Variants in EPAS1 observed in about 807,000 individuals in gnomAD.
The protein encoded by EPAS1 is endothelial PAS domain protein 1, also known as endothelial PAS domain-containing protein 1.
Under a neutral mutation model 87.9 loss-of-function variants are expected in EPAS1, and 23 were observed. The ratio of observed to expected loss-of-function variants is 0.26; its 90% CI spans 0.19 to 0.37. The LOEUF is 0.37. Among genes scored for constraint, EPAS1 ranks in the 10% least tolerant of loss-of-function variants. The pLI is 1.00. For missense variants in EPAS1, 1,138 were observed against 1,120.7 expected, an observed-to-expected ratio of 1.02 and a Z score of -0.22; for synonymous variants, 508 against 444.3, an observed-to-expected ratio of 1.14 and a Z score of -1.80.
At chr2:46,323,880 G>C (rs1683503033) in intron 1 of EPAS1, among the ~76,000 whole-genome samples, 1 of 152,286 alleles carries the variant, frequency 6.6e-6, no homozygotes, top group Admixed American at 6.5e-5. Flanking sequence ...ACTGTATTGG[G>C]TGTGATTCTC....
chr2:46,309,019 C>G (rs950463785), intron 1 of EPAS1, among the ~76,000 whole-genome samples: 6 of 152,224 alleles, frequency 3.9e-5, no homozygotes, highest in Non-Finnish European at 7.3e-5. Flanking sequence ...AGAGCAAAGA[C>G]CCAGTCATTT....
chr2:46,370,033 A>G, intron 7 of EPAS1, 100 bp downstream of exon 7: 1 of 885,534 alleles, frequency 1.1e-6, no homozygotes. Flanking sequence ...CACTTCCTCC[A>G]CAGAGCTGCT....
intron 6 of EPAS1, 101 bp downstream of exon 6, chr2:46,361,191 T>A: frequency 7.5e-7 from 1 of 1,326,056 alleles, no homozygotes; most frequent in Non-Finnish European, 1.1e-6. Flanking sequence ...AACATAGACG[T>A]GGTATTGCCG....
Position 46,356,210 on chromosome 2 carries a change from A to C in EPAS1, c.277A>C (p.Lys93Gln). The change falls in exon 3 of 16, where the codon AAA (lysine) becomes CAA (glutamine). Residue 93 changes from lysine (K) to glutamine (Q), a missense_variant. Lys to Gln is a moderately conservative substitution (Grantham distance 53, BLOSUM62 1). This residue lies in a region of EPAS1 where 351 missense variants were observed against 417.1 expected (regional missense o/e 0.84). Transcript: ENST00000263734. ...ADQQMDNLYL[K>Q]ALEGFIAVVT... ...CCAGCAGATGGACAACTTGTACCTG[A>C]AAGCCTTGGAGGGTTTCATTGCCGT... 1 of 1,608,818 alleles carries C rather than the reference A, an allele frequency of 6.2e-7. No homozygotes were observed. The highest frequency in any genetic ancestry group is 8.5e-7 in the Non-Finnish European group (1 of 1,177,908).
chr2:46,377,329 A>G (rs1035748415), intron 9 of EPAS1, among the ~76,000 whole-genome samples: 3 of 152,268 alleles, frequency 2.0e-5, no homozygotes, highest in African/African-American at 7.2e-5. Context: ...GGCTGCTCCA[A>G]TCCTGGAAAC....
chr2:46,377,256 A>G (rs1189037109), intron 9 of EPAS1, among the ~76,000 whole-genome samples: 1 of 152,244 alleles, frequency 6.6e-6, no homozygotes, highest in Non-Finnish European at 1.5e-5. Flanking sequence ...CGACTTCATT[A>G]AAGTGTCTGC....
intron 4 of EPAS1, among the ~76,000 whole-genome samples, chr2:46,358,539 G>A (rs1218344164): frequency 6.6e-6 from 1 of 152,230 alleles, no homozygotes; most frequent in Non-Finnish European, 1.5e-5. Flanking sequence ...CATAGTCTGA[G>A]TTTGAGTCTG....
intron 12 of EPAS1, 175 bp from the exon 13 acceptor site, chr2:46,381,421 G>C: frequency 1.1e-6 from 1 of 948,458 alleles, no homozygotes; most frequent in Non-Finnish European, 1.6e-6. Flanking sequence ...TGAGGAAGGA[G>C]ACAGAGCTCG....
In EPAS1 at chr2:46,347,325, A is replaced by G. The variant is rs1003153792; in HGVS notation, c.217+262A>G. 4 of 549,770 alleles carry G rather than the reference A, an allele frequency of 7.3e-6. No homozygotes were observed. Among genetic ancestry groups the G allele is most frequent in the Non-Finnish European group, 9.8e-6 (3 of 305,376 alleles). 34.1% of individuals were successfully genotyped at this position (549,770 alleles called of 1,614,324 possible). The stretch of plus-strand genomic sequence containing the variant: ...TGGGCACCCAGAGGCTGTGGAGAAC[A>G]CGGGCTGGGAGAACCAAGGACGGCT... On this transcript the variant is annotated intron_variant, in intron 2 of 15. Transcript: ENST00000263734. The surrounding 1 kb of genome is among the most constrained non-coding windows in gnomAD (Gnocchi z 4.2).
intron 6 of EPAS1, among the ~76,000 whole-genome samples, chr2:46,365,354 A>G (rs1377036307): frequency 6.6e-6 from 1 of 152,252 alleles, no homozygotes; most frequent in Non-Finnish European, 1.5e-5. Context: ...TTTAGGGAAC[A>G]TAGGACATAT....
At chr2:46,354,027 G>A (rs1301281453) in intron 2 of EPAS1, among the ~76,000 whole-genome samples, 2 of 152,226 alleles carry the variant, frequency 1.3e-5, no homozygotes. Context: ...CTGAAAGATA[G>A]CTGGTCCCCT....
intron 1 of EPAS1, among the ~76,000 whole-genome samples, chr2:46,321,134 T>C (rs1392552549): frequency 1.3e-5 from 2 of 152,254 alleles, no homozygotes; most frequent in African/African-American, 4.8e-5. Context: ...ATATAAAGTA[T>C]TTGTCCTTTT....
intron 6 of EPAS1, 140 bp from the exon 7 acceptor site, chr2:46,369,687 C>T (rs1572643034): frequency 1.4e-6 from 1 of 698,678 alleles, no homozygotes. Flanking sequence ...TGCTTGGATA[C>T]ATGGTACAAC....
At chr2:46,351,892 C>T (rs1684151623) in intron 2 of EPAS1, among the ~76,000 whole-genome samples, 1 of 152,194 alleles carries the variant, frequency 6.6e-6, no homozygotes, top group Non-Finnish European at 1.5e-5. Flanking sequence ...TGCACAGCCC[C>T]TGCTGCCCAG....
intron 6 of EPAS1, among the ~76,000 whole-genome samples, chr2:46,365,281 CAA>C (rs1161346700): frequency 1.3e-5 from 2 of 152,098 alleles, no homozygotes; most frequent in Non-Finnish European, 2.9e-5. Flanking sequence ...TTCAAATCAA[CAA>C]AGAGGGTCAT....
Position 46,297,578 on chromosome 2 carries a change from A to C in EPAS1, c.-334A>C. ...TCGAGCCACTTTTTTTTTTCTTTGA[A>C]AACTCAGAAAAGTGACTCCTTTTCC... On this transcript the variant is annotated 5_prime_UTR_variant, in exon 1 of 16. Coordinates refer to ENST00000263734, the MANE Select transcript of EPAS1 (RefSeq NM_001430.5). 1 of 351,022 alleles carries C rather than the reference A, an allele frequency of 2.8e-6. No individual in the cohort carries two copies. The highest frequency in any genetic ancestry group is 5.3e-6 in the Non-Finnish European group (1 of 187,704). The allele number at this position is 351,022 out of a possible 1,614,324, so 21.7% of individuals were successfully genotyped here. A position where few individuals can be genotyped will look rare whatever the true frequency, so the allele number is the denominator to read the frequency against.
At chr2:46,318,319 C>G (rs1683384580) in intron 1 of EPAS1, among the ~76,000 whole-genome samples, 1 of 151,996 alleles carries the variant, frequency 6.6e-6, no homozygotes, top group Admixed American at 6.6e-5. Flanking sequence ...GTGGTAACAT[C>G]AAAGATCACT....
At chr2:46,330,046 G>A (rs1207753217) in intron 1 of EPAS1, among the ~76,000 whole-genome samples, 1 of 152,202 alleles carries the variant, frequency 6.6e-6, no homozygotes, top group Non-Finnish European at 1.5e-5. Context: ...TCTGATTGAG[G>A]TTCCAGACCG....
intron 11 of EPAS1, among the ~76,000 whole-genome samples, chr2:46,379,348 T>G (rs1364830552): frequency 6.6e-6 from 1 of 152,010 alleles, no homozygotes; most frequent in East Asian, 1.9e-4. Context: ...AATCCCCCAT[T>G]TGTCTTAGTC....
Sources: gnomAD v4.1 joint callset for allele counts (sites outside exome capture counted in the v4.1 genomes callset) on GRCh38, gnomAD v4.1.1 for gene constraint, gnomAD v4.1.1 regional missense constraint, Gnocchi (gnomAD v3.1) non-coding constraint, MANE v1.5 for transcripts, NCBI Gene and HGNC (gene_info 2026-07-23, HGNC 2026-07-21) for gene names.